DYM: variants seen among roughly 807,000 people sequenced by gnomAD.
DYM encodes the protein dyggve-Melchior-Clausen syndrome protein.
A neutral mutation model predicts 93.1 loss-of-function variants in DYM; 78 were observed. The observed-to-expected ratio is 0.84, with a 90% CI of 0.70 to 1.01. The LOEUF is 1.01. DYM is among the 50% of genes least tolerant of loss of function. The probability of loss-of-function intolerance (pLI) is 0.00; values close to 1 mark genes in which losing one functional copy is unlikely to be tolerated. For synonymous variants in DYM, 321 were observed against 319.7 expected, an observed-to-expected ratio of 1.00 and a Z score of -0.04; for missense variants, 789 against 845.0, an observed-to-expected ratio of 0.93 and a Z score of 0.82.
chr18:49,129,632 T>A (rs1016071397), intron 15 of DYM, among the ~76,000 whole-genome samples: 4 of 152,216 alleles, frequency 2.6e-5, no homozygotes, highest in African/African-American at 9.6e-5. Flanking sequence ...TTATGTTCAC[T>A]TAAGAGTTCT....
In DYM at chr18:49,430,399, T is replaced by TA; in HGVS notation, c.-6dup. 1 of 1,613,420 alleles carries TA rather than the reference T, an allele frequency of 6.2e-7. No individual in the cohort carries two copies. The highest frequency in any genetic ancestry group is 2.2e-5 in the East Asian group (1 of 44,870). ...TCTGCTGCTATTCGATCCCATCTTCTAGCTTAAGCAGATAATTTGTCCTTA... is the reference window on the plus strand; with the variant it reads ...TCTGCTGCTATTCGATCCCATCTTCTAAGCTTAAGCAGATAATTTGTCCTTA... On this transcript the variant is annotated 5_prime_UTR_variant, in exon 2 of 18. Coordinates refer to ENST00000675505, the MANE Select transcript of DYM (RefSeq NM_001353214.3).
At chr18:49,289,772 T>C (rs5014907) in intron 8 of DYM, among the ~76,000 whole-genome samples, 8,932 of 35,990 alleles carry the variant, frequency 0.25, 660 homozygotes, top group South Asian at 0.35. Context: ...TATATATATA[T>C]ACACATATAT....
intron 13 of DYM, 139 bp downstream of exon 13, chr18:49,256,871 C>A: frequency 1.4e-6 from 1 of 702,902 alleles, no homozygotes; most frequent in Non-Finnish European, 2.5e-6. Flanking sequence ...CTATTTTCAA[C>A]CAAACAAGAA....
chr18:49,243,044 C>T (rs191275018), intron 13 of DYM, among the ~76,000 whole-genome samples: 1 of 152,248 alleles, frequency 6.6e-6, no homozygotes, highest in East Asian at 1.9e-4. Context: ...GGCCAAGAGC[C>T]AGATGGACAG....
At chr18:49,239,583 T>C (rs973387722) in intron 13 of DYM, among the ~76,000 whole-genome samples, 1 of 152,252 alleles carries the variant, frequency 6.6e-6, no homozygotes, top group African/African-American at 2.4e-5. Flanking sequence ...ACTCTTGGGA[T>C]GTCCCCTCTT....
intron 16 of DYM, among the ~76,000 whole-genome samples, chr18:49,100,899 A>C (rs2080069472): frequency 6.6e-6 from 1 of 152,234 alleles, no homozygotes; most frequent in African/African-American, 2.4e-5. Flanking sequence ...ATTCCTATGT[A>C]GCAAAATGGA....
At chr18:49,285,392 G>C (rs2095098748) in intron 9 of DYM, among the ~76,000 whole-genome samples, 1 of 152,170 alleles carries the variant, frequency 6.6e-6, no homozygotes, top group African/African-American at 2.4e-5. Flanking sequence ...TTACATTAGT[G>C]TTCAAAATGT....
intron 3 of DYM, among the ~76,000 whole-genome samples, chr18:49,380,406 T>C (rs569225464): frequency 8.2e-4 from 125 of 152,320 alleles, no homozygotes; most frequent in African/African-American, 2.6e-3. Flanking sequence ...CTCAGTTTTC[T>C]CATCTGTAAA....
intron 1 of DYM, among the ~76,000 whole-genome samples, chr18:49,456,246 A>G (rs1470545258): frequency 6.6e-6 from 1 of 152,344 alleles, no homozygotes; most frequent in Non-Finnish European, 1.5e-5. Flanking sequence ...GAGCTGCCAA[A>G]CCAGCCTTTA....
At chr18:49,283,069 A>T (rs2095030522) in intron 9 of DYM, among the ~76,000 whole-genome samples, 1 of 152,232 alleles carries the variant, frequency 6.6e-6, no homozygotes, top group Non-Finnish European at 1.5e-5. Flanking sequence ...CACCTAACTT[A>T]CCAAACAACA....
chr18:49,157,822 G>C (rs966057894), intron 15 of DYM, among the ~76,000 whole-genome samples: 1 of 152,104 alleles, frequency 6.6e-6, no homozygotes, highest in Non-Finnish European at 1.5e-5. Context: ...CATCACCTAA[G>C]AAGTCTTTGC....
intron 17 of DYM, among the ~76,000 whole-genome samples, chr18:49,054,527 G>C (rs998406694): frequency 3.9e-5 from 6 of 152,236 alleles, no homozygotes; most frequent in African/African-American, 1.4e-4. Context: ...ACAGGCGTGA[G>C]CCACTGTGCT....
intron 13 of DYM, among the ~76,000 whole-genome samples, chr18:49,254,851 A>G (rs1002358822): frequency 6.6e-6 from 1 of 152,212 alleles, no homozygotes; most frequent in Non-Finnish European, 1.5e-5. Flanking sequence ...CACAGAAATC[A>G]TTAACTCTGT....
chr18:49,383,484 CT>C (rs2068252775), intron 3 of DYM, among the ~76,000 whole-genome samples: 1 of 152,156 alleles, frequency 6.6e-6, no homozygotes, highest in Admixed American at 6.6e-5. Context: ...ATAAAACCTT[CT>C]TGGGCTCTAT....
At chr18:49,211,427 T>C (rs1403255572) in intron 13 of DYM, among the ~76,000 whole-genome samples, 2 of 152,188 alleles carry the variant, frequency 1.3e-5, no homozygotes, top group African/African-American at 4.8e-5. Context: ...ATATCTGATA[T>C]GTCTTGGCTA....
chr18:49,091,473 C>G (rs2079045388), intron 17 of DYM, among the ~76,000 whole-genome samples: 1 of 152,060 alleles, frequency 6.6e-6, no homozygotes, highest in Non-Finnish European at 1.5e-5. Flanking sequence ...ATATCTGGAG[C>G]AGGGAGAGTG....
At chr18:49,087,562 C>G (rs2145334128) in intron 17 of DYM, among the ~76,000 whole-genome samples, 1 of 152,236 alleles carries the variant, frequency 6.6e-6, no homozygotes, top group Non-Finnish European at 1.5e-5. Flanking sequence ...TGTATGTTTA[C>G]TGCAATTTCA....
At chr18:49,366,049 T>G (rs1361046711) in intron 5 of DYM, among the ~76,000 whole-genome samples, 1 of 152,076 alleles carries the variant, frequency 6.6e-6, no homozygotes, top group Non-Finnish European at 1.5e-5. Context: ...ATAAGCAATT[T>G]CCAGCTGAAA....
chr18:49,379,377 T>TG (rs922507544), intron 4 of DYM, among the ~76,000 whole-genome samples: 7 of 152,062 alleles, frequency 4.6e-5, no homozygotes, highest in Admixed American at 1.3e-4. Context: ...GCAGTGATAA[T>TG]GGGGGGGAGG....
Sources: allele counts gnomAD v4.1 joint callset (sites outside exome capture counted in the v4.1 genomes callset), GRCh38; gene constraint gnomAD v4.1.1; transcripts MANE v1.5; gene names NCBI Gene and HGNC (gene_info 2026-07-23, HGNC 2026-07-21).